The following GRIP1 variants were observed in gnomAD, a reference collection of about 807,000 sequenced individuals.
The protein encoded by GRIP1 is glutamate receptor-interacting protein 1.
GRIP1 carries 45 observed loss-of-function variants against 129.9 expected under a neutral mutation model. That is an observed-to-expected ratio of 0.35 (90% confidence interval 0.27 to 0.44). The LOEUF is 0.44. Ranked by LOEUF, GRIP1 falls within the 20% of genes least tolerant of loss-of-function variation. The pLI is 1.00. For missense variants in GRIP1, 1,196 were observed against 1,396.8 expected, an observed-to-expected ratio of 0.86 and a Z score of 2.29; for synonymous variants, 530 against 520.8, an observed-to-expected ratio of 1.02 and a Z score of -0.24.
chr12:67,048,967 G>A (rs542981593), intron 1 of GRIP1, among the ~76,000 whole-genome samples: 2 of 152,156 alleles, frequency 1.3e-5, no homozygotes, highest in African/African-American at 4.8e-5. Flanking sequence ...GACTGATACA[G>A]ACATGTACTC....
intron 1 of GRIP1, among the ~76,000 whole-genome samples, chr12:66,671,143 T>C (rs1378984609): frequency 1.3e-5 from 2 of 152,200 alleles, no homozygotes; most frequent in Non-Finnish European, 2.9e-5. Context: ...GTAATTCCAA[T>C]GGAGAGAAAA....
chr12:66,511,943 G>T (rs1403224050), intron 7 of GRIP1, among the ~76,000 whole-genome samples: 1 of 152,128 alleles, frequency 6.6e-6, no homozygotes, highest in Non-Finnish European at 1.5e-5. Context: ...CCTGGTGGGA[G>T]GTGATTGGAT....
At chr12:67,006,437 C>T (rs780045770) in intron 1 of GRIP1, among the ~76,000 whole-genome samples, 20 of 151,912 alleles carry the variant, frequency 1.3e-4, no homozygotes, top group Non-Finnish European at 2.4e-4. Context: ...TGGTGGTGCA[C>T]ATCTATAGTC....
intron 23 of GRIP1, among the ~76,000 whole-genome samples, chr12:66,362,142 C>CTTTTTTTTTTTTTTTTTTTTTTTTTTT (rs10589880): frequency 1.1e-5 from 1 of 91,682 alleles, no homozygotes; most frequent in Non-Finnish European, 2.0e-5. Context: ...CCAATTTAAT[C>CTTTTTTTTTTTTTTTTTTTTTTTTTTT]TTTTTTTTTT....
chr12:66,737,318 C>T (rs2036636961), intron 1 of GRIP1, among the ~76,000 whole-genome samples: 1 of 152,182 alleles, frequency 6.6e-6, no homozygotes, highest in South Asian at 2.1e-4. Context: ...GAGTCTCACT[C>T]TGTCACCTAG....
At chr12:66,624,960 G>A (rs1247748487) in intron 1 of GRIP1, among the ~76,000 whole-genome samples, 1 of 150,766 alleles carries the variant, frequency 6.6e-6, no homozygotes, top group Non-Finnish European at 1.5e-5. Flanking sequence ...TGAAAATCAA[G>A]GCAAGACTAT....
intron 1 of GRIP1, among the ~76,000 whole-genome samples, chr12:66,642,945 G>C (rs1473861122): frequency 1.3e-5 from 2 of 152,140 alleles, no homozygotes; most frequent in African/African-American, 4.8e-5. Context: ...AATAAACTAG[G>C]CTTTGACCAT....
At chr12:66,380,873 A>G (rs1205580659) in intron 19 of GRIP1, among the ~76,000 whole-genome samples, 1 of 152,084 alleles carries the variant, frequency 6.6e-6, no homozygotes, top group Non-Finnish European at 1.5e-5. Context: ...CTGGCTTGGA[A>G]TATGGTATGT....
chr12:66,788,209 G>C (rs2038418112), intron 1 of GRIP1, among the ~76,000 whole-genome samples: 1 of 149,784 alleles, frequency 6.7e-6, no homozygotes, highest in African/African-American at 2.5e-5. Flanking sequence ...ACTCTTTTTT[G>C]TTAAATACAA....
At position 66,729,826 on chromosome 12, in the gene GRIP1, G is replaced by A. The variant is rs149336630; in HGVS notation, c.-420+74227C>T. Among the ~76,000 whole-genome samples the A allele has an allele frequency of 2.0e-3, 311 of 152,100 alleles. 1 individual carries two copies. Among genetic ancestry groups the A allele is most frequent in the African/African-American group, 6.5e-3 (268 of 41,500 alleles). ...CCTGACCTCGTAATCCACCCACCTC[G>A]GCCTCCCAAAGTGCTGGGATTACAA... On this transcript the variant is annotated intron_variant, in intron 1 of 4. Coordinates refer to the GRIP1 transcript ENST00000538373.
At chr12:67,055,519 A>G (rs1474436868) in intron 1 of GRIP1, among the ~76,000 whole-genome samples, 1 of 152,240 alleles carries the variant, frequency 6.6e-6, no homozygotes, top group Non-Finnish European at 1.5e-5. Flanking sequence ...CTAGGGCAGC[A>G]GCTCTCCGAC....
chr12:66,492,946 G>T (rs954232865), intron 7 of GRIP1, among the ~76,000 whole-genome samples: 1 of 152,138 alleles, frequency 6.6e-6, no homozygotes, highest in Non-Finnish European at 1.5e-5. Context: ...GAAGGCGGAG[G>T]TTGCAGTGAA....
intron 1 of GRIP1, among the ~76,000 whole-genome samples, chr12:66,941,841 G>T (rs1309135997): frequency 6.6e-6 from 1 of 152,168 alleles, no homozygotes; most frequent in African/African-American, 2.4e-5. Flanking sequence ...TTCAGTGGAG[G>T]ATTGTTTACA....
At chr12:66,915,981 C>T in intron 1 of GRIP1, among the ~76,000 whole-genome samples, 1 of 152,130 alleles carries the variant, frequency 6.6e-6, no homozygotes, top group Non-Finnish European at 1.5e-5. Context: ...CCTGGCTGGT[C>T]CTTGAGAAGG....
chr12:66,939,309 A>G (rs1592369369), intron 1 of GRIP1, among the ~76,000 whole-genome samples: 1 of 152,196 alleles, frequency 6.6e-6, no homozygotes, highest in East Asian at 1.9e-4. Flanking sequence ...ATCACATCAC[A>G]GCACACTAAC....
chr12:66,643,815 C>A (rs559968005), intron 1 of GRIP1, among the ~76,000 whole-genome samples: 1 of 152,294 alleles, frequency 6.6e-6, no homozygotes, highest in East Asian at 1.9e-4. Context: ...CCTCCTGCCT[C>A]ATCCTTCCAA....
rs777680538 is a variant in GRIP1 at position 66,596,854 on chromosome 12, G to T, written c.129C>A (p.Ser43Arg). The change falls in exon 2 of 25, where the codon AGC (serine) becomes AGA (arginine). Residue 43 changes from serine (S) to arginine (R), a missense_variant. Around this residue, in one of 5 missense-constraint regions of GRIP1, gnomAD observed 217 missense variants for 224.8 expected, o/e 0.97. Coordinates refer to ENST00000359742, the MANE Select transcript of GRIP1 (RefSeq NM_001366722.1). ...CCAACAGTCTGGTCTAACCTGGGATGCTCTGTCTCCTCACAGCCAACGCTC... is the reference window on the plus strand; with the variant it reads ...CCAACAGTCTGGTCTAACCTGGGATTCTCTGTCTCCTCACAGCCAACGCTC... ...PDGALAVRRQ[S>R]IPEEFKGSTV... 1 of 1,609,536 alleles carries T rather than the reference G, an allele frequency of 6.2e-7. No individual in the cohort carries two copies. The highest frequency in any genetic ancestry group is 8.5e-7 in the Non-Finnish European group (1 of 1,175,830).
At chr12:66,608,247 C>A (rs1054861995) in intron 1 of GRIP1, among the ~76,000 whole-genome samples, 1 of 152,084 alleles carries the variant, frequency 6.6e-6, no homozygotes, top group Admixed American at 6.6e-5. Context: ...TTATTCAAAG[C>A]TGTAGTTTGG....
chr12:66,747,674 G>C (rs1329955801), intron 1 of GRIP1, among the ~76,000 whole-genome samples: 2 of 152,164 alleles, frequency 1.3e-5, no homozygotes, highest in African/African-American at 4.8e-5. Flanking sequence ...TACCCAGCAA[G>C]AGCTAAAGTA....
Sources: gnomAD v4.1 joint callset for allele counts (sites outside exome capture counted in the v4.1 genomes callset) on GRCh38, gnomAD v4.1.1 for gene constraint, gnomAD v4.1.1 regional missense constraint, MANE v1.5 for transcripts, NCBI Gene and HGNC (gene_info 2026-07-23, HGNC 2026-07-21) for gene names.